The following GRID2 variants were observed in gnomAD, a reference collection of about 807,000 sequenced individuals.
GRID2 encodes the protein glutamate receptor ionotropic, delta-2.
A neutral mutation model predicts 114.8 loss-of-function variants in GRID2; 33 were observed. The ratio of observed to expected loss-of-function variants is 0.29; its 90% confidence interval spans 0.22 to 0.38. The LOEUF is 0.38. GRID2 is among the 10% of genes least tolerant of loss of function. The pLI is 1.00. For synonymous variants in GRID2, 505 were observed against 449.9 expected (o/e 1.12, Z -1.55); for missense variants, 1,184 against 1,257.7 (o/e 0.94, Z 0.89).
chr4:92,354,015 G>T (rs1002259060), intron 1 of GRID2, among the ~76,000 whole-genome samples: 1 of 151,974 alleles, frequency 6.6e-6, no homozygotes, highest in African/African-American at 2.4e-5. Flanking sequence ...CTTTTCCAAT[G>T]TGAGTTCCGA....
chr4:92,943,612 T>C (rs200370059), intron 2 of GRID2, among the ~76,000 whole-genome samples: 1 of 152,232 alleles, frequency 6.6e-6, no homozygotes, highest in Non-Finnish European at 1.5e-5. Context: ...CTTTGTTCCA[T>C]TGCTGGTGAG....
intron 1 of GRID2, among the ~76,000 whole-genome samples, chr4:92,355,665 T>C (rs1316528154): frequency 2.6e-5 from 4 of 151,820 alleles, no homozygotes; most frequent in Admixed American, 2.6e-4. Context: ...ACAAAAATAT[T>C]TGGAACAAAT....
rs953455514 is a variant in GRID2 at position 93,130,747 on chromosome 4, A to T, written c.735+19794A>T. Among the ~76,000 whole-genome samples the T allele has an allele frequency of 3.3e-5, 5 of 152,180 alleles. No homozygotes were observed. The South Asian group carries it at 1.0e-3, about 32-fold the overall frequency. ...TTATTTTTTCAAGTCCAAATCCCAC[A>T]CCATATATAGCCTAATATATTGCAG... On this transcript the variant is annotated intron_variant, in intron 4 of 15. Transcript: ENST00000282020.
At chr4:93,482,188 G>A (rs1420913313) in intron 11 of GRID2, among the ~76,000 whole-genome samples, 1 of 151,852 alleles carries the variant, frequency 6.6e-6, no homozygotes, top group Non-Finnish European at 1.5e-5. Context: ...ATATTACTGG[G>A]TATATACCCA....
intron 9 of GRID2, among the ~76,000 whole-genome samples, chr4:93,398,149 A>ATATATATATATATATATC (rs1560579261): frequency 2.8e-5 from 4 of 145,396 alleles, no homozygotes; most frequent in African/African-American, 1.1e-4. Flanking sequence ...ATATATATAT[A>ATATATATATATATATATC]TATCTTATCA....
rs760605020 is a variant in GRID2, at chr4:92,688,037, CTTTTTTTTT to C, written c.244+97772_244+97780del. 7.5e-3 allele frequency among the ~76,000 whole-genome samples: 337 copies of C among 44,672 alleles called. 3 individuals carry two copies. The highest frequency in any genetic ancestry group is 0.029 in the African/African-American group (288 of 9,986). The allele number at this position is 44,672 out of a possible 152,430, so 29.3% of individuals were successfully genotyped here. ...GCCACATTGGTTGACCCTTCTTCTT[CTTTTTTTTT>C]TTTTTTTTTTTTTTTTTTTTGGGAT... On this transcript the variant is annotated intron_variant, in intron 2 of 15. Transcript: ENST00000282020.
chr4:92,994,760 C>T (rs1755099488), intron 2 of GRID2, among the ~76,000 whole-genome samples: 1 of 152,180 alleles, frequency 6.6e-6, no homozygotes, highest in South Asian at 2.1e-4. Context: ...TAAAGGCAAA[C>T]ACCACACAGT....
intron 2 of GRID2, among the ~76,000 whole-genome samples, chr4:92,918,168 A>G (rs184131460): frequency 1.3e-5 from 2 of 152,268 alleles, no homozygotes; most frequent in Non-Finnish European, 2.9e-5. Flanking sequence ...TTATTGGTGT[A>G]TAAGAATGAT....
At chr4:92,980,831 A>G (rs1279983131) in intron 2 of GRID2, among the ~76,000 whole-genome samples, 1 of 152,102 alleles carries the variant, frequency 6.6e-6, no homozygotes, top group Non-Finnish European at 1.5e-5. Context: ...AATGAATAAT[A>G]TGGGTTTGAA....
At chr4:92,638,210 G>T (rs1046808134) in intron 2 of GRID2, among the ~76,000 whole-genome samples, 3 of 151,498 alleles carry the variant, frequency 2.0e-5, no homozygotes, top group African/African-American at 7.3e-5. Context: ...ATACATGAGT[G>T]TAAAATCTGA....
intron 2 of GRID2, among the ~76,000 whole-genome samples, chr4:92,914,161 A>G (rs1159161913): frequency 6.6e-6 from 1 of 152,130 alleles, no homozygotes; most frequent in Non-Finnish European, 1.5e-5. Flanking sequence ...GCATTAAACA[A>G]TTGTACATAT....
At chr4:93,578,594 T>TG (rs1736656313) in intron 13 of GRID2, among the ~76,000 whole-genome samples, 1 of 134,932 alleles carries the variant, frequency 7.4e-6, no homozygotes, top group African/African-American at 3.0e-5. Context: ...TGTATTTTTT[T>TG]TTTTTTTTTT....
chr4:92,463,041 C>T (rs990293547), intron 1 of GRID2, among the ~76,000 whole-genome samples: 4 of 151,772 alleles, frequency 2.6e-5, no homozygotes, highest in African/African-American at 7.3e-5. Context: ...TATATAAAAA[C>T]AGCTTGAAGT....
At chr4:92,723,606 T>G (rs1735917184) in intron 2 of GRID2, among the ~76,000 whole-genome samples, 1 of 152,190 alleles carries the variant, frequency 6.6e-6, no homozygotes, top group Non-Finnish European at 1.5e-5. Context: ...ATTAGGTAGT[T>G]ACTTCTTTAT....
At chr4:93,005,963 A>G (rs1037654442) in intron 2 of GRID2, among the ~76,000 whole-genome samples, 2 of 152,038 alleles carry the variant, frequency 1.3e-5, no homozygotes, top group Non-Finnish European at 2.9e-5. Context: ...TAGTCTCAGC[A>G]TATTCTAACT....
intron 2 of GRID2, among the ~76,000 whole-genome samples, chr4:92,900,828 C>A (rs1034759449): frequency 1.0e-5 from 1 of 95,764 alleles, no homozygotes; most frequent in Non-Finnish European, 1.8e-5. Context: ...AGTGAGACTT[C>A]GTCTCAAAAA....
chr4:92,413,707 A>G (rs571434093), intron 1 of GRID2, among the ~76,000 whole-genome samples: 98 of 152,304 alleles, frequency 6.4e-4, no homozygotes, highest in Admixed American at 6.3e-3. Flanking sequence ...TGAAAGGGAA[A>G]GGGAATCTCA....
chr4:92,547,871 G>T (rs567015028), intron 1 of GRID2, among the ~76,000 whole-genome samples: 2 of 152,184 alleles, frequency 1.3e-5, no homozygotes, highest in Non-Finnish European at 2.9e-5. Context: ...GAGAATATTG[G>T]CAACATAGTT....
At chr4:92,448,949 C>T (rs1720738237) in intron 1 of GRID2, among the ~76,000 whole-genome samples, 1 of 152,030 alleles carries the variant, frequency 6.6e-6, no homozygotes, top group Non-Finnish European at 1.5e-5. Flanking sequence ...TTATTATAGT[C>T]ATATTGCTCA....
Sources: allele counts gnomAD v4.1 joint callset (sites outside exome capture counted in the v4.1 genomes callset), GRCh38; gene constraint gnomAD v4.1.1; transcripts MANE v1.5; gene names NCBI Gene and HGNC (gene_info 2026-07-23, HGNC 2026-07-21).